Variants in TSHZ1 observed in about 807,000 individuals in gnomAD.
TSHZ1 encodes teashirt homolog 1.
TSHZ1 carries 12 observed loss-of-function variants against 67.1 expected under a neutral mutation model. The ratio of observed to expected loss-of-function variants is 0.18; its 90% CI spans 0.11 to 0.29. The LOEUF (loss-of-function observed/expected upper bound fraction) is 0.29. Among genes scored for constraint, TSHZ1 ranks in the 10% least tolerant of loss-of-function variants. TSHZ1 has a pLI of 1.00. For missense variants in TSHZ1, 1,305 were observed against 1,413.9 expected, an observed-to-expected ratio of 0.92 and a Z score of 1.23; for synonymous variants, 632 against 622.4, an observed-to-expected ratio of 1.02 and a Z score of -0.23.
intron 1 of TSHZ1, chr18:75,285,213 G>A (rs971863000): frequency 8.3e-6 from 3 of 359,808 alleles, no homozygotes; most frequent in Non-Finnish European, 1.5e-5. Flanking sequence ...TCTTTGGGAC[G>A]AGCACAGGAC....
chr18:75,238,678 T>A (rs1202012003), intron 1 of TSHZ1, among the ~76,000 whole-genome samples: 1 of 152,054 alleles, frequency 6.6e-6, no homozygotes, highest in East Asian at 1.9e-4. Flanking sequence ...GAGTGTCTTC[T>A]TAAGAAAAAA....
At chr18:75,231,610 C>CT (rs1331515748) in intron 1 of TSHZ1, among the ~76,000 whole-genome samples, 12 of 152,184 alleles carry the variant, frequency 7.9e-5, no homozygotes, top group Non-Finnish European at 1.8e-4. Context: ...TCTTGGCTCA[C>CT]TGCAACCTCT....
intron 1 of TSHZ1, 136 bp downstream of exon 1, chr18:75,212,052 C>A: frequency 1.7e-6 from 1 of 593,906 alleles, no homozygotes; most frequent in Non-Finnish European, 2.3e-6. Flanking sequence ...CTGCGCTGGC[C>A]ACAGTCGTCT....
chr18:75,232,677 C>T (rs889703979), intron 1 of TSHZ1, among the ~76,000 whole-genome samples: 2 of 152,110 alleles, frequency 1.3e-5, no homozygotes, highest in African/African-American at 4.8e-5. Context: ...GTGGAGTGTG[C>T]CCCCAGTTCA....
At chr18:75,272,599 C>T (rs138110870) in intron 1 of TSHZ1, among the ~76,000 whole-genome samples, 2 of 152,336 alleles carry the variant, frequency 1.3e-5, no homozygotes, top group Admixed American at 6.5e-5. Context: ...AGCCATTTCA[C>T]TTGGCTTGCT....
intron 1 of TSHZ1, among the ~76,000 whole-genome samples, chr18:75,248,221 A>G (rs1298083868): frequency 6.6e-6 from 1 of 152,242 alleles, no homozygotes; most frequent in African/African-American, 2.4e-5. Flanking sequence ...CTGTCATAAT[A>G]TCAGTGGCCT....
In TSHZ1 at chr18:75,285,705, C is replaced by G; in HGVS notation, c.298C>G (p.Pro100Ala). Residue 100 changes from proline (P) to alanine (A), a missense_variant, in exon 2 of 2, where the codon CCG becomes GCG. Pro to Ala is a conservative substitution (Grantham distance 27, BLOSUM62 -1). This residue lies in a region of TSHZ1 where 358 missense variants were observed against 375.6 expected (regional missense o/e 0.95). Transcript: ENST00000580243. ...TTCCTCTCGAGAAGAGAAGGAGGAT[C>G]CGCAGTGTCCCGACAGCGTCTCGTA... ...GSSSREEKED[P>A]QCPDSVSYPQ... 1 of 1,614,106 alleles carries G rather than the reference C, an allele frequency of 6.2e-7. No homozygotes were observed. Among genetic ancestry groups the G allele is most frequent in the Non-Finnish European group, 8.5e-7 (1 of 1,179,996 alleles).
At position 75,286,079 on chromosome 18, in the gene TSHZ1, C is replaced by A; in HGVS notation, c.672C>A (p.Ser224Arg). Residue 224 changes from serine (S) to arginine (R), a missense_variant, in exon 2 of 2, where the codon AGC becomes AGA. Ser to Arg is a moderately radical substitution (Grantham distance 110). Coordinates refer to ENST00000580243, the MANE Select transcript of TSHZ1 (RefSeq NM_001308210.2). This position sits in a 1 kb window ranked among gnomAD's most constrained non-coding sequence, Gnocchi z 5.1. ...YGLLPEPSLF[S>R]TVQLYRQNNK... ...TGCTTCCTGAGCCCAGCCTGTTCAG[C>A]ACCGTGCAGCTCTACCGCCAGAACA... 1 of 1,612,804 alleles carries A rather than the reference C, an allele frequency of 6.2e-7. No individual in the cohort carries two copies. Among genetic ancestry groups the A allele is most frequent in the Non-Finnish European group, 8.5e-7 (1 of 1,179,162 alleles).
At chr18:75,255,414 A>T (rs772835122) in intron 1 of TSHZ1, among the ~76,000 whole-genome samples, 3 of 152,228 alleles carry the variant, frequency 2.0e-5, no homozygotes, top group Non-Finnish European at 2.9e-5. Context: ...AAATATGCTA[A>T]ATACAGGTAA....
intron 1 of TSHZ1, among the ~76,000 whole-genome samples, chr18:75,277,680 G>A (rs1380396636): frequency 6.6e-6 from 1 of 152,102 alleles, no homozygotes; most frequent in Non-Finnish European, 1.5e-5. Flanking sequence ...TGTTCTTGAG[G>A]GCTCTTTCCT....
chr18:75,230,659 C>T (rs780291935), intron 1 of TSHZ1, among the ~76,000 whole-genome samples: 19 of 152,288 alleles, frequency 1.2e-4, no homozygotes, highest in African/African-American at 3.1e-4. Context: ...AGTCACCACA[C>T]GCAGGTATGA....
In TSHZ1 at chr18:75,285,739, A is replaced by G; in HGVS notation, c.332A>G (p.Asp111Gly). Reference protein sequence around the residue: ...QCPDSVSYPQDSLAQIKAVYA... With the variant: ...QCPDSVSYPQGSLAQIKAVYA... ...CCCGACAGCGTCTCGTACCCCCAGG[A>G]CAGCCTGGCACAGATCAAAGCTGTG... is the stretch of plus-strand genomic sequence containing the variant. The change falls in exon 2 of 2, where the codon GAC becomes GGC. Residue 111 changes from aspartate (D) to glycine (G), a missense_variant. Transcript: ENST00000580243. 4 of 1,614,040 alleles carry G rather than the reference A, an allele frequency of 2.5e-6. No homozygotes were observed. Among genetic ancestry groups the G allele is most frequent in the Non-Finnish European group, 3.4e-6 (4 of 1,179,934 alleles).
Position 75,286,547 on chromosome 18 carries a change from C to A in TSHZ1, c.1140C>A (p.Ala380=), listed in dbSNP as rs543288649. ...MAAEVALSES[A]KDQKAANPYV... ...CAGAGGTGGCCCTGAGTGAGTCAGC[C>A]AAGGATCAGAAAGCAGCGAACCCGT... Residue 380 remains alanine, a synonymous_variant, in exon 2 of 2, where the codon GCC becomes GCA. Coordinates refer to ENST00000580243, the MANE Select transcript of TSHZ1 (RefSeq NM_001308210.2). The surrounding 1 kb of genome is among the most constrained non-coding windows in gnomAD (Gnocchi z 5.1). 4 of 1,614,194 alleles carry A rather than the reference C, an allele frequency of 2.5e-6. No homozygotes were observed. The African/African-American group carries it at 5.3e-5, about 22-fold the overall frequency.
chr18:75,288,013 G>T lies in TSHZ1; in HGVS notation c.2606G>T (p.Gly869Val). Residue 869 changes from glycine to valine, a missense_variant, in exon 2 of 2, where the codon GGC (glycine) becomes GTC (valine). This residue lies in a region of TSHZ1 where 909 missense variants were observed against 961.8 expected (regional missense o/e 0.95). Coordinates refer to ENST00000580243, the MANE Select transcript of TSHZ1 (RefSeq NM_001308210.2). The surrounding 1 kb of genome is among the most constrained non-coding windows in gnomAD (Gnocchi z 4.9). The part of the protein sequence containing the change: ...STVSEKSDAD[G>V]SSFEEALDEL... Reference sequence around the variant, plus strand: ...GTTTCAGAGAAGTCCGATGCTGATGGCAGCAGCTTTGAGGAGGCGTTGGAC... The same window carrying T: ...GTTTCAGAGAAGTCCGATGCTGATGTCAGCAGCTTTGAGGAGGCGTTGGAC... The T allele has an allele frequency of 4.3e-6, 7 of 1,614,182 alleles. No individual in the cohort carries two copies. The highest frequency in any genetic ancestry group is 5.9e-6 in the Non-Finnish European group (7 of 1,180,042).
chr18:75,247,354 G>C (rs904246553), intron 1 of TSHZ1, among the ~76,000 whole-genome samples: 24 of 152,334 alleles, frequency 1.6e-4, no homozygotes, highest in African/African-American at 5.8e-4. Context: ...TTCTCTCAGT[G>C]AGTGGAGTCC....
At chr18:75,228,665 C>G (rs2022956607) in intron 1 of TSHZ1, among the ~76,000 whole-genome samples, 1 of 152,184 alleles carries the variant, frequency 6.6e-6, no homozygotes, top group African/African-American at 2.4e-5. Flanking sequence ...CATTTTGCTT[C>G]AGGATGGCAG....
chr18:75,249,267 G>C (rs909875589), intron 1 of TSHZ1, among the ~76,000 whole-genome samples: 3 of 152,194 alleles, frequency 2.0e-5, no homozygotes, highest in African/African-American at 7.2e-5. Context: ...CACGGGTTGA[G>C]AGCCCTGGGT....
Position 75,271,416 on chromosome 18 carries a change from C to T in TSHZ1, c.41-14032C>T, listed in dbSNP as rs190515038. ...TTTTTAGCTGGGAAACTTTATCTCTCGCTTCACTCAAGGATGCAAATGAAG... is the reference window on the plus strand; with the variant it reads ...TTTTTAGCTGGGAAACTTTATCTCTTGCTTCACTCAAGGATGCAAATGAAG... On this transcript the variant is annotated intron_variant, in intron 1 of 1. Coordinates refer to ENST00000580243, the MANE Select transcript of TSHZ1 (RefSeq NM_001308210.2). Among the ~76,000 whole-genome samples, 34 of 152,286 alleles carry T rather than the reference C, an allele frequency of 2.2e-4. No homozygotes were observed. In the East Asian group the frequency reaches 3.3e-3, roughly 15 times the overall value.
chr18:75,211,794 T>TGCGCCC lies in TSHZ1; in HGVS notation c.-75_-70dup. 1.1e-6 allele frequency: 1 copy of TGCGCCC among 947,302 alleles called. No individual in the cohort carries two copies. Among genetic ancestry groups the TGCGCCC allele is most frequent in the African/African-American group, 1.8e-5 (1 of 55,692 alleles). The allele number at this position is 947,302 out of a possible 1,614,324, so 58.7% of individuals were successfully genotyped here. ...GCCAAAGTTGGGCGCGCCGCGGAGT[T>TGCGCCC]GCGCCCGCGCCCGGGGCCCCGCGTC... is the stretch of plus-strand genomic sequence containing the variant. On this transcript the variant is annotated 5_prime_UTR_variant, in exon 1 of 2. Transcript: ENST00000580243.
Sources: allele counts gnomAD v4.1 joint callset (sites outside exome capture counted in the v4.1 genomes callset), GRCh38; gene constraint gnomAD v4.1.1; regional missense constraint gnomAD v4.1.1; non-coding constraint Gnocchi (gnomAD v3.1); transcripts MANE v1.5; gene names NCBI Gene and HGNC (gene_info 2026-07-23, HGNC 2026-07-21).